The following SLC22A5 variants were observed in gnomAD, a reference collection of about 807,000 sequenced individuals.
The protein encoded by SLC22A5 is solute carrier family 22 member 5.
Under a neutral mutation model 56.7 loss-of-function variants are expected in SLC22A5, and 44 were observed. That is an observed-to-expected ratio of 0.78 (90% CI 0.61 to 1.00). The LOEUF (loss-of-function observed/expected upper bound fraction) is 1.00, where lower values mean the gene tolerates loss of function less well. Ranked by LOEUF, SLC22A5 falls within the 50% of genes least tolerant of loss-of-function variation. The pLI is 0.00. For missense variants in SLC22A5, 675 were observed against 723.0 expected, an observed-to-expected ratio of 0.93 and a Z score of 0.76; for synonymous variants, 278 against 292.1, an observed-to-expected ratio of 0.95 and a Z score of 0.49.
Position 132,391,044 on chromosome 5 carries a change from TA to T in SLC22A5, c.1267+141del, listed in dbSNP as rs1398515437. 4.0e-6 allele frequency: 3 copies of T among 743,110 alleles called. No individual in the cohort carries two copies. In the Admixed American group the frequency reaches 6.4e-5, roughly 16 times the overall value. The allele number at this position is 743,110 out of a possible 1,614,324, so 46.0% of individuals were successfully genotyped here. A position where few individuals can be genotyped will look rare whatever the true frequency, so the allele number is the denominator to read the frequency against. On this transcript the variant is annotated intron_variant, in intron 7 of 9. Coordinates refer to ENST00000245407, the MANE Select transcript of SLC22A5 (RefSeq NM_003060.4). ...TATACATTCTTGGCCTAAAAATCAATAGAAAGTGTCTTCTGAGACTAGAACA... is the reference window on the plus strand; with the variant it reads ...TATACATTCTTGGCCTAAAAATCAATGAAAGTGTCTTCTGAGACTAGAACA...
At chr5:132,383,209 T>C (rs911231374) in intron 2 of SLC22A5, 7 of 152,384 alleles carry the variant, frequency 4.6e-5, no homozygotes, top group African/African-American at 1.4e-4. Flanking sequence ...GCCTGACTCC[T>C]GTAATAATCA....
intron 2 of SLC22A5, chr5:132,381,383 C>G (rs1260622390): frequency 6.6e-6 from 1 of 152,220 alleles, no homozygotes; most frequent in African/African-American, 2.4e-5. Context: ...GCTGTTCTGC[C>G]TGCAGCCCCT....
intron 2 of SLC22A5, 34 bp downstream of exon 2, chr5:132,378,515 C>A: frequency 6.7e-7 from 1 of 1,490,870 alleles, no homozygotes; most frequent in South Asian, 1.1e-5. Flanking sequence ...ACCAGGGGAC[C>A]TCAGCACTGA....
chr5:132,387,933 G>A (rs565598646), intron 5 of SLC22A5: 1 of 153,678 alleles, frequency 6.5e-6, no homozygotes, highest in East Asian at 1.9e-4. Context: ...GGAAGATGAG[G>A]GGTTGGGTGT....
chr5:132,386,322 A>G (rs945281542), intron 4 of SLC22A5, among the ~76,000 whole-genome samples: 1 of 148,442 alleles, frequency 6.7e-6, no homozygotes, highest in African/African-American at 2.5e-5. Flanking sequence ...CCGCCTCCCC[A>G]GTTCAAGCGA....
chr5:132,385,517 C>T lies in SLC22A5; in HGVS notation c.824+18C>T, dbSNP rs1752498467. On this transcript the variant is annotated intron_variant, in intron 4 of 9. Coordinates refer to ENST00000245407, the MANE Select transcript of SLC22A5 (RefSeq NM_003060.4). ...CTCTGGTGGTGAGTGTGACCTTGTG[C>T]CCCATGTGCCCACTGGCAGGATGAT... The T allele has an allele frequency of 6.2e-7, 1 of 1,608,954 alleles. No homozygotes were observed. The highest frequency in any genetic ancestry group is 1.3e-5 in the African/African-American group (1 of 74,814).
chr5:132,392,694 G>C, intron 8 of SLC22A5, 79 bp downstream of exon 8: 1 of 1,269,704 alleles, frequency 7.9e-7, no homozygotes, highest in Non-Finnish European at 1.1e-6. Context: ...TGGAGGTTGC[G>C]TGTTAACAGG....
intron 7 of SLC22A5, among the ~76,000 whole-genome samples, chr5:132,391,871 G>A (rs1399124465): frequency 6.6e-6 from 1 of 152,186 alleles, no homozygotes; most frequent in Admixed American, 6.5e-5. Flanking sequence ...GCTCCCCATG[G>A]GATGTGGCAG....
chr5:132,393,034 C>A (rs1752760623), intron 8 of SLC22A5, among the ~76,000 whole-genome samples: 1 of 152,140 alleles, frequency 6.6e-6, no homozygotes, highest in Non-Finnish European at 1.5e-5. Context: ...ATTATTATAA[C>A]CTAGAGCACT....
At chr5:132,389,859 C>G (rs930273963) in intron 6 of SLC22A5, 1 of 154,466 alleles carries the variant, frequency 6.5e-6, no homozygotes, top group African/African-American at 2.4e-5. Flanking sequence ...TAGCCTGCAC[C>G]ACAGACATGC....
chr5:132,390,602 T>G, intron 6 of SLC22A5, 88 bp from the exon 7 acceptor site: 1 of 942,028 alleles, frequency 1.1e-6, no homozygotes, highest in Non-Finnish European at 1.8e-6. Flanking sequence ...GGTTTGGAAT[T>G]TACTGAAATA....
In SLC22A5 at chr5:132,394,329, C is replaced by T; in HGVS notation, c.*57C>T. On this transcript the variant is annotated 3_prime_UTR_variant, in exon 10 of 10. Transcript: ENST00000245407. ...GAAAGACTGTCTTGCCAGAAATGGC[C>T]AGCTTGTGCAGACTCCGAGTCCTTC... The T allele has an allele frequency of 3.2e-6, 4 of 1,238,760 alleles. No homozygotes were observed. Among genetic ancestry groups the T allele is most frequent in the Non-Finnish European group, 4.8e-6 (4 of 838,690 alleles). 76.7% of individuals were successfully genotyped at this position (1,238,760 alleles called of 1,614,324 possible). A position where few individuals can be genotyped will look rare whatever the true frequency, so the allele number is the denominator to read the frequency against.
chr5:132,395,228 T>A lies in SLC22A5; in HGVS notation c.*956T>A, dbSNP rs72795171. 0.02 allele frequency: 1,075 copies of A among 53,960 alleles called. 10 individuals carry two copies. The highest frequency in any genetic ancestry group is 0.042 in the East Asian group (41 of 966). The allele number at this position is 53,960 out of a possible 1,614,324, so 3.3% of individuals were successfully genotyped here. Reference sequence around the variant, plus strand: ...GTTTGTGTCTTTTTTTTTTTTTTTTTAAAACAGAATCACTCTGGCAATTGT... The same window carrying A: ...GTTTGTGTCTTTTTTTTTTTTTTTTAAAAACAGAATCACTCTGGCAATTGT... On this transcript the variant is annotated 3_prime_UTR_variant, in exon 10 of 10. Transcript: ENST00000245407.
At chr5:132,388,130 A>G (rs1368849872) in intron 5 of SLC22A5, among the ~76,000 whole-genome samples, 1 of 152,224 alleles carries the variant, frequency 6.6e-6, no homozygotes, top group African/African-American at 2.4e-5. Flanking sequence ...CGCAAAGGTC[A>G]GGCAGGAGTG....
intron 1 of SLC22A5, chr5:132,376,993 T>C (rs1426163465): frequency 6.6e-6 from 1 of 152,554 alleles, no homozygotes; most frequent in Non-Finnish European, 1.5e-5. Context: ...GGTCCTCCCA[T>C]GTTCTTGACT....
rs1211984791 is a variant in SLC22A5, at chr5:132,389,040, C to G, written c.1052+19C>G. ...TGCTGTGGTATGTAAAAGAGACCTG[C>G]CTGAGGCTTCCAGACAAAGCTTCTT... On this transcript the variant is annotated intron_variant, in intron 6 of 9. Coordinates refer to ENST00000245407, the MANE Select transcript of SLC22A5 (RefSeq NM_003060.4). The G allele has an allele frequency of 1.3e-6, 2 of 1,506,940 alleles. No individual in the cohort carries two copies. Among genetic ancestry groups the G allele is most frequent in the Non-Finnish European group, 1.8e-6 (2 of 1,082,218 alleles). The allele number at this position is 1,506,940 out of a possible 1,614,324, so 93.3% of individuals were successfully genotyped here. A position where few individuals can be genotyped will look rare whatever the true frequency, so the allele number is the denominator to read the frequency against.
intron 1 of SLC22A5, among the ~76,000 whole-genome samples, chr5:132,371,635 G>T (rs1751935696): frequency 6.6e-6 from 1 of 152,166 alleles, no homozygotes; most frequent in Non-Finnish European, 1.5e-5. Context: ...CACTAAATGT[G>T]CAGATGACCA....
At chr5:132,380,574 G>A (rs1013515050) in intron 2 of SLC22A5, 4 of 152,204 alleles carry the variant, frequency 2.6e-5, no homozygotes, top group Non-Finnish European at 5.9e-5. Context: ...CTAGCATGAC[G>A]GTGGTAGAAA....
intron 1 of SLC22A5, among the ~76,000 whole-genome samples, chr5:132,370,641 G>A (rs1476298586): frequency 6.6e-6 from 1 of 152,186 alleles, no homozygotes; most frequent in African/African-American, 2.4e-5. Context: ...GGTCCTGGCG[G>A]TCCCTGGGCG....
Sources: gnomAD v4.1 joint callset for allele counts (sites outside exome capture counted in the v4.1 genomes callset) on GRCh38, gnomAD v4.1.1 for gene constraint, MANE v1.5 for transcripts, NCBI Gene and HGNC (gene_info 2026-07-23, HGNC 2026-07-21) for gene names.